Variants in SBF2 observed in about 807,000 individuals in gnomAD.
SBF2 encodes SET binding factor 2, also known as myotubularin-related protein 13.
Under a neutral mutation model 225.2 loss-of-function variants are expected in SBF2, and 112 were observed. The ratio of observed to expected loss-of-function variants is 0.50; its 90% CI spans 0.43 to 0.58. SBF2 has a LOEUF of 0.58. SBF2 is among the 20% of genes least tolerant of loss of function. The probability of loss-of-function intolerance (pLI) is 0.00; values close to 1 mark genes in which losing one functional copy is unlikely to be tolerated. For synonymous variants in SBF2, 763 were observed against 773.3 expected, an observed-to-expected ratio of 0.99 and a Z score of 0.22; for missense variants, 1,996 against 2,206.2, an observed-to-expected ratio of 0.90 and a Z score of 1.91.
At position 10,029,621 on chromosome 11, in the gene SBF2, G is replaced by A. The variant is rs1054878431; in HGVS notation, c.513+144C>T. ...TGAGTGTCTAGAAAGCAGACCATGG[G>A]GACAATGCTTAACTAAAGTAGGATC... On this transcript the variant is annotated intron_variant, in intron 5 of 39. Coordinates refer to ENST00000256190, the MANE Select transcript of SBF2 (RefSeq NM_030962.4). 4 of 701,940 alleles carry A rather than the reference G, an allele frequency of 5.7e-6. No individual in the cohort carries two copies. The African/African-American group carries it at 7.1e-5, about 13-fold the overall frequency. The allele number at this position is 701,940 out of a possible 1,614,324, so 43.5% of individuals were successfully genotyped here.
intron 17 of SBF2, among the ~76,000 whole-genome samples, chr11:9,892,932 A>G (rs1205524654): frequency 1.3e-5 from 2 of 152,228 alleles, no homozygotes; most frequent in Non-Finnish European, 2.9e-5. Context: ...TTTAAAAATT[A>G]TCTGCAGTAT....
chr11:10,277,132 CAAAAAAAAAA>C (rs11310738), intron 1 of SBF2, among the ~76,000 whole-genome samples: 1 of 73,524 alleles, frequency 1.4e-5, no homozygotes, highest in African/African-American at 5.7e-5. Context: ...GACCCCATCT[CAAAAAAAAAA>C]AAAAAAAAAA....
intron 21 of SBF2, among the ~76,000 whole-genome samples, chr11:9,851,156 CA>C (rs1336031531): frequency 3.4e-5 from 4 of 116,834 alleles, no homozygotes; most frequent in South Asian, 2.8e-4. Context: ...AAAACAACAA[CA>C]AAAAAAAACC....
chr11:9,819,414 G>T (rs1252297836), intron 28 of SBF2: 1 of 151,848 alleles, frequency 6.6e-6, no homozygotes, highest in Non-Finnish European at 1.5e-5. Flanking sequence ...AATTAGCAGG[G>T]GAAAAATGTA....
intron 21 of SBF2, among the ~76,000 whole-genome samples, chr11:9,852,260 T>TA (rs951050746): frequency 3.3e-5 from 5 of 152,156 alleles, no homozygotes; most frequent in African/African-American, 9.7e-5. Context: ...GAATTTTTAA[T>TA]AGACTTTCCA....
chr11:9,875,152 A>G (rs908280834), intron 17 of SBF2, among the ~76,000 whole-genome samples: 2 of 152,234 alleles, frequency 1.3e-5, no homozygotes, highest in East Asian at 3.8e-4. Context: ...ACTGGGTCAC[A>G]AAGTTCTCCA....
intron 15 of SBF2, among the ~76,000 whole-genome samples, chr11:9,962,987 A>C (rs1715685691): frequency 6.6e-6 from 1 of 152,220 alleles, no homozygotes; most frequent in South Asian, 2.1e-4. Flanking sequence ...CCAACCCCTG[A>C]AAATAGATAT....
intron 17 of SBF2, among the ~76,000 whole-genome samples, chr11:9,860,261 G>GAT (rs768834724): frequency 7.8e-6 from 1 of 127,412 alleles, no homozygotes; most frequent in African/African-American, 2.9e-5. Context: ...TTTTGAAACA[G>GAT]TTTTTTTTTT....
intron 6 of SBF2, among the ~76,000 whole-genome samples, chr11:10,023,800 TCTGA>T (rs778382091): frequency 1.3e-5 from 2 of 152,232 alleles, no homozygotes; most frequent in Non-Finnish European, 2.9e-5. Context: ...GCTTCCACTT[TCTGA>T]CTCTTATAAA....
In SBF2 at chr11:9,865,126, G is replaced by T. The variant is rs573150885; in HGVS notation, c.1930-6730C>A. Among the ~76,000 whole-genome samples the T allele has an allele frequency of 9.2e-5, 14 of 152,158 alleles. No individual in the cohort carries two copies. In the South Asian group the frequency reaches 2.5e-3, roughly 27 times the overall value. ...GATAGGGGTCTCACTATGATGCCTA[G>T]GCTGGACAACTTTATACAAGTAGTA... is the stretch of plus-strand genomic sequence containing the variant. On this transcript the variant is annotated intron_variant, in intron 17 of 39. Transcript: ENST00000256190.
chr11:10,035,585 C>T (rs1949404530), intron 3 of SBF2, among the ~76,000 whole-genome samples: 2 of 152,166 alleles, frequency 1.3e-5, no homozygotes, highest in African/African-American at 2.4e-5. Flanking sequence ...ACAAACAACC[C>T]CATCAACAAG....
intron 2 of SBF2, among the ~76,000 whole-genome samples, chr11:10,094,410 T>C (rs184729479): frequency 1.1e-4 from 17 of 152,200 alleles, no homozygotes; most frequent in East Asian, 1.9e-4. Flanking sequence ...TTTCAACATA[T>C]AGACATTTAT....
At position 9,992,468 on chromosome 11, in the gene SBF2, C is replaced by G; in HGVS notation, c.1243G>C (p.Gly415Arg). Residue 415 changes from glycine (G) to arginine (R), a missense_variant, in exon 12 of 40, where the codon GGT (glycine) becomes CGT (arginine). By Grantham distance (125) the Gly-to-Arg change is moderately radical. Coordinates refer to ENST00000256190, the MANE Select transcript of SBF2 (RefSeq NM_030962.4). Reference protein sequence around the residue: ...TKVLSGMAFAGFVSERGPPYR... With the variant: ...TKVLSGMAFARFVSERGPPYR... ...GGAGGACCTCTTTCTGAAACAAAACCTGCAAATGCCATTCCACTGAGTACT... is the reference window on the plus strand; with the variant it reads ...GGAGGACCTCTTTCTGAAACAAAACGTGCAAATGCCATTCCACTGAGTACT... 6.2e-7 allele frequency: 1 copy of G among 1,613,196 alleles called. No homozygotes were observed.
rs376338491 is a variant in SBF2, at chr11:9,804,244, A to G, written c.4443+3756T>C. Reference sequence around the variant, plus strand: ...AGCATGGAAAAAACGAAAAGCCTGCATTACTGAACTGGGATTTCCCTGGAC... The same window carrying G: ...AGCATGGAAAAAACGAAAAGCCTGCGTTACTGAACTGGGATTTCCCTGGAC... On this transcript the variant is annotated intron_variant, in intron 32 of 39. Coordinates refer to ENST00000256190, the MANE Select transcript of SBF2 (RefSeq NM_030962.4). Among the ~76,000 whole-genome samples, 510 of 152,330 alleles carry G rather than the reference A, an allele frequency of 3.3e-3. 3 individuals are homozygous for G. The highest frequency in any genetic ancestry group is 5.0e-3 in the South Asian group (24 of 4,830).
chr11:10,282,745 A>G (rs1212908876), intron 1 of SBF2, among the ~76,000 whole-genome samples: 2 of 151,968 alleles, frequency 1.3e-5, no homozygotes, highest in East Asian at 3.9e-4. Flanking sequence ...CCTTCAGTTC[A>G]TTGCCATTTG....
intron 2 of SBF2, among the ~76,000 whole-genome samples, chr11:10,193,203 T>C (rs1957240928): frequency 6.6e-6 from 1 of 151,974 alleles, no homozygotes; most frequent in Admixed American, 6.6e-5. Context: ...GTGTTTTTTG[T>C]TTTGTTTTTA....
chr11:9,995,214 C>T (rs749953376), intron 9 of SBF2, among the ~76,000 whole-genome samples: 1 of 151,980 alleles, frequency 6.6e-6, no homozygotes, highest in Non-Finnish European at 1.5e-5. Flanking sequence ...AACAAAGTAA[C>T]ATTTGAGTTA....
chr11:10,174,231 C>T (rs1254349709), intron 2 of SBF2, among the ~76,000 whole-genome samples: 1 of 152,114 alleles, frequency 6.6e-6, no homozygotes, highest in Non-Finnish European at 1.5e-5. Context: ...GGAGGAAATT[C>T]AAACCAAAGG....
chr11:9,856,687 T>G lies in SBF2; in HGVS notation c.2134A>C (p.Thr712Pro), dbSNP rs1199868372. 1 of 1,614,110 alleles carries G rather than the reference T, an allele frequency of 6.2e-7. No homozygotes were observed. ...KLPDDHYQEK[T>P]AMDLAAEQLR... is the part of the protein sequence containing the mutation. Reference sequence around the variant, plus strand: ...TGCTCAGCTGCCAGGTCCATTGCTGTCTTCTCCTGATAATGGTCATCAGGA... The same window carrying G: ...TGCTCAGCTGCCAGGTCCATTGCTGGCTTCTCCTGATAATGGTCATCAGGA... Residue 712 changes from threonine (T) to proline (P), a missense_variant, in exon 19 of 40, where the codon ACA becomes CCA. Thr to Pro is a conservative substitution (Grantham distance 38, BLOSUM62 -1). Coordinates refer to ENST00000256190, the MANE Select transcript of SBF2 (RefSeq NM_030962.4).
Sources: gnomAD v4.1 joint callset for allele counts (sites outside exome capture counted in the v4.1 genomes callset) on GRCh38, gnomAD v4.1.1 for gene constraint, MANE v1.5 for transcripts, NCBI Gene and HGNC (gene_info 2026-07-23, HGNC 2026-07-21) for gene names.